Variants in UBXN10 observed in about 807,000 individuals in gnomAD.
The protein encoded by UBXN10 is UBX domain-containing protein 10.
A neutral mutation model predicts 6.9 loss-of-function variants in UBXN10; 6 were observed. The ratio of observed to expected loss-of-function variants is 0.87; its 90% CI spans 0.48 to 1.72. The LOEUF (loss-of-function observed/expected upper bound fraction) is 1.72, where lower values mean the gene tolerates loss of function less well. Ranked by LOEUF, UBXN10 falls within the 40% of genes most tolerant of loss-of-function variation. UBXN10 has a pLI of 0.01. For synonymous variants in UBXN10, 131 were observed against 135.2 expected (o/e 0.97, Z 0.21); for missense variants, 317 against 348.4 (o/e 0.91, Z 0.72).
rs2018572478 is a variant in UBXN10, at chr1:20,194,756, A to C, written c.*3352A>C. 6.0e-6 allele frequency: 1 copy of C among 167,162 alleles called. No individual in the cohort carries two copies. The highest frequency in any genetic ancestry group is 2.4e-5 in the African/African-American group (1 of 41,482). 10.4% of individuals were successfully genotyped at this position (167,162 alleles called of 1,614,324 possible). On this transcript the variant is annotated 3_prime_UTR_variant, in exon 2 of 2. Coordinates refer to ENST00000375099, the MANE Select transcript of UBXN10 (RefSeq NM_152376.5). Reference sequence around the variant, plus strand: ...AAAATCCTCATAATAAGTTCGGATAAAAGAGACTTTTACATGGTAAGAGGA... The same window carrying C: ...AAAATCCTCATAATAAGTTCGGATACAAGAGACTTTTACATGGTAAGAGGA...
In UBXN10 at chr1:20,190,977, C is replaced by T; in HGVS notation, c.416C>T (p.Ser139Leu). ...AVETVAKKAS[S>L]LQLSSIRALY... ...GAAACCGTTGCCAAAAAGGCCAGCTCACTGCAACTGAGCAGTATCCGGGCT... is the reference window on the plus strand; with the variant it reads ...GAAACCGTTGCCAAAAAGGCCAGCTTACTGCAACTGAGCAGTATCCGGGCT... Residue 139 changes from serine (S) to leucine (L), a missense_variant, in exon 2 of 2, where the codon TCA (serine) becomes TTA (leucine). Coordinates refer to ENST00000375099, the MANE Select transcript of UBXN10 (RefSeq NM_152376.5). 1.2e-6 allele frequency: 2 copies of T among 1,614,110 alleles called. No homozygotes were observed. Among genetic ancestry groups the T allele is most frequent in the Admixed American group, 1.7e-5 (1 of 60,010 alleles).
rs2018554673 is a variant in UBXN10, at chr1:20,193,761, A to G, written c.*2357A>G. ...AGAGTCACCTGAATTTTTCCTAAAC[A>G]TCATTCCAAGTACTCTGATTTTGGG... is the stretch of plus-strand genomic sequence containing the variant. On this transcript the variant is annotated 3_prime_UTR_variant, in exon 2 of 2. Coordinates refer to ENST00000375099, the MANE Select transcript of UBXN10 (RefSeq NM_152376.5). 6.0e-6 allele frequency: 1 copy of G among 167,100 alleles called. No individual in the cohort carries two copies. The highest frequency in any genetic ancestry group is 1.5e-5 in the Non-Finnish European group (1 of 68,140). 10.4% of individuals were successfully genotyped at this position (167,100 alleles called of 1,614,324 possible). A position where few individuals can be genotyped will look rare whatever the true frequency, so the allele number is the denominator to read the frequency against.
chr1:20,190,757 C>T lies in UBXN10; in HGVS notation c.196C>T (p.Pro66Ser). ...VEVCAHHIPS[P>S]PPAIPYELPS... ...GGTGTGCGCTCATCATATACCATCTCCGCCTCCAGCCATTCCCTATGAGTT... is the reference window on the plus strand; with the variant it reads ...GGTGTGCGCTCATCATATACCATCTTCGCCTCCAGCCATTCCCTATGAGTT... The change falls in exon 2 of 2, where the codon CCG (proline) becomes TCG (serine). Residue 66 changes from proline (P) to serine (S), a missense_variant. Transcript: ENST00000375099. 1.9e-6 allele frequency: 3 copies of T among 1,614,026 alleles called. No homozygotes were observed. The highest frequency in any genetic ancestry group is 2.5e-6 in the Non-Finnish European group (3 of 1,180,032).
chr1:20,186,406 C>T (rs2018394259), intron 1 of UBXN10: 1 of 152,350 alleles, frequency 6.6e-6, no homozygotes, highest in Admixed American at 6.5e-5. Flanking sequence ...AACCGAGGGA[C>T]CTATGCAACC....
chr1:20,191,597 C>G lies in UBXN10; in HGVS notation c.*193C>G, dbSNP rs1332982180. 1 of 805,530 alleles carries G rather than the reference C, an allele frequency of 1.2e-6. No homozygotes were observed. Among genetic ancestry groups the G allele is most frequent in the African/African-American group, 1.7e-5 (1 of 57,552 alleles). The allele number at this position is 805,530 out of a possible 1,614,324, so 49.9% of individuals were successfully genotyped here. On this transcript the variant is annotated 3_prime_UTR_variant, in exon 2 of 2. Coordinates refer to ENST00000375099, the MANE Select transcript of UBXN10 (RefSeq NM_152376.5). The surrounding 1 kb of genome is among the most constrained non-coding windows in gnomAD (Gnocchi z 4.5). ...TATGCCGAGCGCGCTAAGAAGTCTC[C>G]CTTCCAGCTGTTCCATTCTCTCCAC...
intron 1 of UBXN10, among the ~76,000 whole-genome samples, chr1:20,189,954 C>T (rs578159779): frequency 1.3e-5 from 2 of 152,286 alleles, no homozygotes; most frequent in East Asian, 1.9e-4. Context: ...AATTAGCATG[C>T]GCCCAGAGTT....
upstream of UBXN10, among the ~76,000 whole-genome samples, chr1:20,183,790 G>T (rs1207849596): frequency 3.3e-5 from 5 of 152,234 alleles, no homozygotes; most frequent in Non-Finnish European, 7.3e-5. Flanking sequence ...AGATGAAAAA[G>T]CTGGGGCCCA....
rs960774235 is a variant in UBXN10 at position 20,193,861 on chromosome 1, C to G, written c.*2457C>G. 1 of 167,036 alleles carries G rather than the reference C, an allele frequency of 6.0e-6. No individual in the cohort carries two copies. Among genetic ancestry groups the G allele is most frequent in the Non-Finnish European group, 1.5e-5 (1 of 68,132 alleles). The allele number at this position is 167,036 out of a possible 1,614,324, so 10.3% of individuals were successfully genotyped here. A position where few individuals can be genotyped will look rare whatever the true frequency, so the allele number is the denominator to read the frequency against. On this transcript the variant is annotated 3_prime_UTR_variant, in exon 2 of 2. Coordinates refer to ENST00000375099, the MANE Select transcript of UBXN10 (RefSeq NM_152376.5). ...CATGTTGCATTGCAGCTGAGGCCCC[C>G]TGTCCTAAATGGGCTCAACCGGCCT...
At chr1:20,189,365 G>A (rs1271452825) in intron 1 of UBXN10, among the ~76,000 whole-genome samples, 1 of 152,304 alleles carries the variant, frequency 6.6e-6, no homozygotes, top group East Asian at 1.9e-4. Flanking sequence ...GGGAAAGATG[G>A]AACTGGAGAT....
intron 1 of UBXN10, among the ~76,000 whole-genome samples, chr1:20,188,951 G>T (rs949728216): frequency 6.6e-6 from 1 of 152,172 alleles, no homozygotes; most frequent in Non-Finnish European, 1.5e-5. Context: ...ACTAAGCCTG[G>T]TGCTTCCCAC....
rs1355728748 is a variant in UBXN10, at chr1:20,192,688, G to T, written c.*1284G>T. ...GTGCATGTTGTTCCCCCAAAGCATG[G>T]TCATCACAAAGTCCTGAGTTCTGGT... On this transcript the variant is annotated 3_prime_UTR_variant, in exon 2 of 2. Transcript: ENST00000375099. 2 of 167,034 alleles carry T rather than the reference G, an allele frequency of 1.2e-5. No individual in the cohort carries two copies. The highest frequency in any genetic ancestry group is 4.1e-4 in the South Asian group (2 of 4,820). The allele number at this position is 167,034 out of a possible 1,614,324, so 10.3% of individuals were successfully genotyped here.
At chr1:20,185,006 T>G (rs751798061), upstream of UBXN10, among the ~76,000 whole-genome samples, 1 of 151,898 alleles carries the variant, frequency 6.6e-6, no homozygotes, top group Non-Finnish European at 1.5e-5. Context: ...TAATAAAAAT[T>G]AGCCAAGCAT....
chr1:20,186,344 C>G (rs957499230), intron 1 of UBXN10, 191 bp downstream of exon 1: 2 of 152,284 alleles, frequency 1.3e-5, no homozygotes, highest in Non-Finnish European at 1.5e-5. Context: ...GCAAAGCAAG[C>G]CTGGCCAGAG....
intron 1 of UBXN10, among the ~76,000 whole-genome samples, chr1:20,188,893 A>G (rs374271031): frequency 2.6e-5 from 4 of 152,298 alleles, no homozygotes; most frequent in South Asian, 4.1e-4. Flanking sequence ...GAAGCAAACA[A>G]CGACGACAAC....
rs932842638 is a variant in UBXN10, at chr1:20,187,349, T to A, written c.-16+1196T>A. ...CTTGTCAAATCGGTTTGTGGTTGAG[T>A]GGCTGCCAGGCCTAGAGGTGGTGAA... On this transcript the variant is annotated intron_variant, in intron 1 of 1. Coordinates refer to ENST00000375099, the MANE Select transcript of UBXN10 (RefSeq NM_152376.5). The surrounding 1 kb of genome is among the most constrained non-coding windows in gnomAD (Gnocchi z 4.6). Among the ~76,000 whole-genome samples, 2 of 152,138 alleles carry A rather than the reference T, an allele frequency of 1.3e-5. No individual in the cohort carries two copies. The highest frequency in any genetic ancestry group is 4.8e-5 in the African/African-American group (2 of 41,418).
chr1:20,191,581 C>T lies in UBXN10; in HGVS notation c.*177C>T. ...CAGTGAAGTCTGTGCCTATGCCGAG[C>T]GCGCTAAGAAGTCTCCCTTCCAGCT... On this transcript the variant is annotated 3_prime_UTR_variant, in exon 2 of 2. Coordinates refer to ENST00000375099, the MANE Select transcript of UBXN10 (RefSeq NM_152376.5). The surrounding 1 kb of genome is among the most constrained non-coding windows in gnomAD (Gnocchi z 4.5). 6 of 977,840 alleles carry T rather than the reference C, an allele frequency of 6.1e-6. No individual in the cohort carries two copies. The highest frequency in any genetic ancestry group is 8.8e-6 in the Non-Finnish European group (6 of 679,234). The allele number at this position is 977,840 out of a possible 1,614,324, so 60.6% of individuals were successfully genotyped here. A position where few individuals can be genotyped will look rare whatever the true frequency, so the allele number is the denominator to read the frequency against.
rs1197901409 is a variant in UBXN10 at position 20,193,577 on chromosome 1, A to G, written c.*2173A>G. 1 of 167,044 alleles carries G rather than the reference A, an allele frequency of 6.0e-6. No individual in the cohort carries two copies. The highest frequency in any genetic ancestry group is 1.5e-5 in the Non-Finnish European group (1 of 68,128). 10.3% of individuals were successfully genotyped at this position (167,044 alleles called of 1,614,324 possible). On this transcript the variant is annotated 3_prime_UTR_variant, in exon 2 of 2. Coordinates refer to ENST00000375099, the MANE Select transcript of UBXN10 (RefSeq NM_152376.5). ...CTTCAGCTCCCACACACGACTGGACAGAGGGGTGTGTTAGCCTGATCTTCA... is the reference window on the plus strand; with the variant it reads ...CTTCAGCTCCCACACACGACTGGACGGAGGGGTGTGTTAGCCTGATCTTCA...
rs1358067794 is a variant in UBXN10 at position 20,187,594 on chromosome 1, A to G, written c.-16+1441A>G. On this transcript the variant is annotated intron_variant, in intron 1 of 1. Transcript: ENST00000375099. This position sits in a 1 kb window ranked among gnomAD's most constrained non-coding sequence, Gnocchi z 4.6. ...TGTGCTCGGGAGGAGGCAGTGGGTTATGAAAGCAGGTTGGATATAATGGTT... is the reference window on the plus strand; with the variant it reads ...TGTGCTCGGGAGGAGGCAGTGGGTTGTGAAAGCAGGTTGGATATAATGGTT... 1.3e-5 allele frequency among the ~76,000 whole-genome samples: 2 copies of G among 152,164 alleles called. No individual in the cohort carries two copies. Among genetic ancestry groups the G allele is most frequent in the African/African-American group, 4.8e-5 (2 of 41,444 alleles).
chr1:20,191,747 GT>G lies in UBXN10; in HGVS notation c.*344del, dbSNP rs2018506705. On this transcript the variant is annotated 3_prime_UTR_variant, in exon 2 of 2. Transcript: ENST00000375099. The surrounding 1 kb of genome is among the most constrained non-coding windows in gnomAD (Gnocchi z 4.5). ...TTTCGAACACCGGCTTGCCTTTACA[GT>G]GAACTGTGATTCTCTCGAAGCCAAT... 3.9e-6 allele frequency: 1 copy of G among 253,426 alleles called. No homozygotes were observed. Among genetic ancestry groups the G allele is most frequent in the Non-Finnish European group, 8.2e-6 (1 of 122,268 alleles). The allele number at this position is 253,426 out of a possible 1,614,324, so 15.7% of individuals were successfully genotyped here.
Sources: gnomAD v4.1 joint callset for allele counts (sites outside exome capture counted in the v4.1 genomes callset) on GRCh38, gnomAD v4.1.1 for gene constraint, Gnocchi (gnomAD v3.1) non-coding constraint, MANE v1.5 for transcripts, NCBI Gene and HGNC (gene_info 2026-07-23, HGNC 2026-07-21) for gene names.